The following POLR2M variants were observed in gnomAD, a reference collection of about 807,000 sequenced individuals.
POLR2M encodes the protein protein GRINL1A.
A neutral mutation model predicts 34.6 loss-of-function variants in POLR2M; 30 were observed. That is an observed-to-expected ratio of 0.87 (90% CI 0.65 to 1.18). The LOEUF (loss-of-function observed/expected upper bound fraction) is 1.18. Among genes scored for constraint, POLR2M ranks in the 50% most tolerant of loss-of-function variants. The probability of loss-of-function intolerance (pLI) is 0.00; values close to 1 mark genes in which losing one functional copy is unlikely to be tolerated. For missense variants in POLR2M, 432 were observed against 448.7 expected, an observed-to-expected ratio of 0.96 and a Z score of 0.34; for synonymous variants, 150 against 166.7, an observed-to-expected ratio of 0.90 and a Z score of 0.77.
At chr15:57,714,395 C>T in intron 3 of POLR2M, 141 bp from the exon 4 acceptor site, 1 of 1,388,738 alleles carries the variant, frequency 7.2e-7, no homozygotes, top group South Asian at 1.4e-5. Context: ...AGGGCACAGC[C>T]ATCAGGCTTG....
At chr15:57,707,182 C>T (rs561416693) in intron 1 of POLR2M, 33 of 1,483,064 alleles carry the variant, frequency 2.2e-5, no homozygotes, top group East Asian at 1.7e-4. Context: ...GAACGGCTAC[C>T]TGGCGTTGCA....
chr15:57,716,638 A>T lies in POLR2M; in HGVS notation c.*1959A>T, dbSNP rs568545319. 3.0e-4 allele frequency: 46 copies of T among 152,374 alleles called. No individual in the cohort carries two copies. The highest frequency in any genetic ancestry group is 5.7e-4 in the Non-Finnish European group (39 of 68,026). The allele number at this position is 152,374 out of a possible 1,614,324, so 9.4% of individuals were successfully genotyped here. ...GAAGGTTGTGTTTTTTTTCATATTCATTGGCCATGCTATATTCATTCTTTT... is the reference window on the plus strand; with the variant it reads ...GAAGGTTGTGTTTTTTTTCATATTCTTTGGCCATGCTATATTCATTCTTTT... On this transcript the variant is annotated 3_prime_UTR_variant, in exon 4 of 4. Coordinates refer to ENST00000299638, the MANE Select transcript of POLR2M (RefSeq NM_015532.5).
At chr15:57,712,846 A>G (rs2040788442) in intron 3 of POLR2M, among the ~76,000 whole-genome samples, 1 of 152,196 alleles carries the variant, frequency 6.6e-6, no homozygotes, top group Non-Finnish European at 1.5e-5. Context: ...AGTGTGAAGG[A>G]CCATAGGGGA....
rs760900728 is a variant in POLR2M at position 57,712,192 on chromosome 15, T to G, written c.963+4T>G. 3.0e-5 allele frequency: 48 copies of G among 1,613,602 alleles called. No homozygotes were observed. The highest frequency in any genetic ancestry group is 1.7e-6 in the Non-Finnish European group (2 of 1,179,908). On this transcript the variant is annotated splice_donor_region_variant and intron_variant, in intron 3 of 3. Transcript: ENST00000299638. ...ACAGCAGAAACAGAATTATGAGGTATTTAGAGTATTTTTTTTCTTGTCTGT... is the reference window on the plus strand; with the variant it reads ...ACAGCAGAAACAGAATTATGAGGTAGTTAGAGTATTTTTTTTCTTGTCTGT...
intron 1 of POLR2M, 117 bp from the exon 2 acceptor site, chr15:57,708,597 A>C (rs1402669229): frequency 6.4e-6 from 6 of 935,320 alleles, no homozygotes; most frequent in Non-Finnish European, 7.7e-6. Flanking sequence ...TAGAAATCAG[A>C]TATTTGACTT....
In POLR2M at chr15:57,716,333, T is replaced by C. The variant is rs2140848642; in HGVS notation, c.*1654T>C. The C allele has an allele frequency of 6.6e-6, 1 of 152,382 alleles. No individual in the cohort carries two copies. Among genetic ancestry groups the C allele is most frequent in the East Asian group, 1.9e-4 (1 of 5,196 alleles). 9.4% of individuals were successfully genotyped at this position (152,382 alleles called of 1,614,324 possible). A position where few individuals can be genotyped will look rare whatever the true frequency, so the allele number is the denominator to read the frequency against. On this transcript the variant is annotated 3_prime_UTR_variant, in exon 4 of 4. Coordinates refer to ENST00000299638, the MANE Select transcript of POLR2M (RefSeq NM_015532.5). ...TATTCAGCAATTTGATTATGTATTA[T>C]AATGTAATCTGTAAATAGTGATATG... is the stretch of plus-strand genomic sequence containing the variant.
At chr15:57,710,432 T>G (rs1471127446) in intron 2 of POLR2M, among the ~76,000 whole-genome samples, 1 of 152,224 alleles carries the variant, frequency 6.6e-6, no homozygotes, top group Non-Finnish European at 1.5e-5. Context: ...AAACCTCTAG[T>G]GAAAAGTATC....
At position 57,708,695 on chromosome 15, in the gene POLR2M, A is replaced by G; in HGVS notation, c.114-19A>G. The G allele has an allele frequency of 6.4e-7, 1 of 1,557,336 alleles. No individual in the cohort carries two copies. The highest frequency in any genetic ancestry group is 1.3e-5 in the South Asian group (1 of 78,972). On this transcript the variant is annotated intron_variant, in intron 1 of 3. Transcript: ENST00000299638. ...AAAAAAATGGCTGTAATGTAATAGT[A>G]TTCTTTTCCATTTGACAGAAAATTC...
At position 57,706,963 on chromosome 15, in the gene POLR2M, G is replaced by A. The variant is rs1265938730; in HGVS notation, c.113+8G>A. 3 of 1,581,128 alleles carry A rather than the reference G, an allele frequency of 1.9e-6. No homozygotes were observed. Among genetic ancestry groups the A allele is most frequent in the African/African-American group, 1.3e-5 (1 of 74,336 alleles). ...GAGACTTTTGCGCAACGAGTAAGCTGGGGTCCCGCGGAGTCTCCGCCAGGC... is the reference window on the plus strand; with the variant it reads ...GAGACTTTTGCGCAACGAGTAAGCTAGGGTCCCGCGGAGTCTCCGCCAGGC... On this transcript the variant is annotated splice_region_variant and intron_variant, in intron 1 of 3. Transcript: ENST00000299638.
At chr15:57,711,304 C>G (rs2040702387) in intron 2 of POLR2M, among the ~76,000 whole-genome samples, 1 of 152,204 alleles carries the variant, frequency 6.6e-6, no homozygotes, top group South Asian at 2.1e-4. Flanking sequence ...CCCCTTCTAC[C>G]TCTAGTCTTA....
intron 1 of POLR2M, among the ~76,000 whole-genome samples, chr15:57,708,018 T>C (rs780514859): frequency 1.3e-5 from 2 of 152,170 alleles, no homozygotes; most frequent in Non-Finnish European, 2.9e-5. Flanking sequence ...GACAAATAAA[T>C]AATTGGTTGG....
intron 3 of POLR2M, among the ~76,000 whole-genome samples, chr15:57,713,234 T>C (rs892247870): frequency 2.6e-5 from 4 of 151,950 alleles, no homozygotes; most frequent in Non-Finnish European, 4.4e-5. Context: ...TTAATCTGCT[T>C]TGGCTTTTCA....
chr15:57,707,450 G>A, intron 1 of POLR2M: 1 of 591,760 alleles, frequency 1.7e-6, no homozygotes, highest in Non-Finnish European at 3.2e-6. Context: ...CGTAATAAAA[G>A]TGATTTTGTT....
At chr15:57,714,486 A>G (rs2032222301) in intron 3 of POLR2M, 50 bp from the exon 4 acceptor site, 3 of 1,598,292 alleles carry the variant, frequency 1.9e-6, no homozygotes, top group Non-Finnish European at 8.5e-7. Flanking sequence ...GAAAAATTGT[A>G]AGGAAGAGAT....
chr15:57,716,443 T>G lies in POLR2M; in HGVS notation c.*1764T>G, dbSNP rs1162558427. 5.9e-5 allele frequency: 9 copies of G among 152,392 alleles called. No individual in the cohort carries two copies. The highest frequency in any genetic ancestry group is 2.2e-4 in the African/African-American group (9 of 41,598). The allele number at this position is 152,392 out of a possible 1,614,324, so 9.4% of individuals were successfully genotyped here. A position where few individuals can be genotyped will look rare whatever the true frequency, so the allele number is the denominator to read the frequency against. ...AATGAAATTGTTAGGTGAAAGTGTT[T>G]TTGAGAATTTTTATATATATTACTC... On this transcript the variant is annotated 3_prime_UTR_variant, in exon 4 of 4. Coordinates refer to ENST00000299638, the MANE Select transcript of POLR2M (RefSeq NM_015532.5).
rs1438533321 is a variant in POLR2M, at chr15:57,707,179, T to C, written c.113+224T>C. The C allele has an allele frequency of 4.0e-6, 6 of 1,484,914 alleles. 1 individual carries two copies. The East Asian group carries it at 1.5e-4, about 37-fold the overall frequency. The allele number at this position is 1,484,914 out of a possible 1,614,324, so 92.0% of individuals were successfully genotyped here. On this transcript the variant is annotated intron_variant, in intron 1 of 3. Transcript: ENST00000299638. ...GCGAGGATAGCTCGGATTGAACGGC[T>C]ACCTGGCGTTGCAGGGAGTTAGTAG...
rs1374569938 is a variant in POLR2M at position 57,716,240 on chromosome 15, T to A, written c.*1561T>A. On this transcript the variant is annotated 3_prime_UTR_variant, in exon 4 of 4. Transcript: ENST00000299638. ...TGTCAATATGTTCCCATATTAAATA[T>A]TTTGCTTTTTAGACAGCTGTAGGAT... 1.3e-5 allele frequency: 2 copies of A among 152,280 alleles called. No homozygotes were observed. Among genetic ancestry groups the A allele is most frequent in the South Asian group, 4.1e-4 (2 of 4,838 alleles). The allele number at this position is 152,280 out of a possible 1,614,324, so 9.4% of individuals were successfully genotyped here.
intron 2 of POLR2M, among the ~76,000 whole-genome samples, chr15:57,711,586 T>A (rs1281923189): frequency 6.6e-6 from 1 of 152,220 alleles, no homozygotes; most frequent in African/African-American, 2.4e-5. Flanking sequence ...TTTCTTAGCC[T>A]CCCTGTCTCC....
At position 57,707,233 on chromosome 15, in the gene POLR2M, C is replaced by T. The variant is rs1476018512; in HGVS notation, c.113+278C>T. 8 of 1,302,086 alleles carry T rather than the reference C, an allele frequency of 6.1e-6. No individual in the cohort carries two copies. The Admixed American group carries it at 1.8e-4, about 30-fold the overall frequency. The allele number at this position is 1,302,086 out of a possible 1,614,324, so 80.7% of individuals were successfully genotyped here. On this transcript the variant is annotated intron_variant, in intron 1 of 3. Transcript: ENST00000299638. ...CTGGTCGGTTTTATTTACCCGGGGA[C>T]TGTGGTGGTTCCATGAGTCTGCTTT...
Sources: gnomAD v4.1 joint callset for allele counts (sites outside exome capture counted in the v4.1 genomes callset) on GRCh38, gnomAD v4.1.1 for gene constraint, MANE v1.5 for transcripts, NCBI Gene and HGNC (gene_info 2026-07-23, HGNC 2026-07-21) for gene names.